The following IL18R1 variants were observed in gnomAD, a reference collection of about 807,000 sequenced individuals.
The protein encoded by IL18R1 is interleukin 18 receptor 1.
Under a neutral mutation model 48.5 loss-of-function variants are expected in IL18R1, and 40 were observed. The ratio of observed to expected loss-of-function variants is 0.82; its 90% CI spans 0.64 to 1.07. The LOEUF (loss-of-function observed/expected upper bound fraction) is 1.07, where lower values mean the gene tolerates loss of function less well. IL18R1 is among the 50% of genes least tolerant of loss of function. The pLI, the probability that IL18R1 is intolerant of heterozygous loss-of-function variation, is 0.00. For missense variants in IL18R1, 596 were observed against 633.7 expected (o/e 0.94, Z 0.64); for synonymous variants, 232 against 225.9 (o/e 1.03, Z -0.24).
chr2:102,387,123 A>C (rs867283170), intron 8 of IL18R1, 123 bp downstream of exon 8: 3 of 996,884 alleles, frequency 3.0e-6, no homozygotes, highest in Middle Eastern at 4.4e-4. Context: ...GAAATCAGTC[A>C]CCTCATGTCA....
chr2:102,359,277 T>TA (rs150927002), intron 1 of IL18R1, among the ~76,000 whole-genome samples: 10 of 152,018 alleles, frequency 6.6e-5, no homozygotes, highest in Non-Finnish European at 1.5e-4. Context: ...AAGTTAAATA[T>TA]AAAAACAAAA....
At chr2:102,382,063 AG>A (rs1461871329) in intron 6 of IL18R1, among the ~76,000 whole-genome samples, 1 of 152,122 alleles carries the variant, frequency 6.6e-6, no homozygotes, top group Non-Finnish European at 1.5e-5. Context: ...ACTTGAGGTC[AG>A]GAGTTTGAGA....
chr2:102,379,157 C>T (rs565059247), intron 5 of IL18R1, among the ~76,000 whole-genome samples: 42 of 152,086 alleles, frequency 2.8e-4, no homozygotes, highest in African/African-American at 9.9e-4. Flanking sequence ...AAATGAAGAC[C>T]CTGGGGCCGG....
intron 5 of IL18R1, among the ~76,000 whole-genome samples, chr2:102,381,173 A>G (rs577316749): frequency 6.6e-6 from 1 of 152,322 alleles, no homozygotes; most frequent in South Asian, 2.1e-4. Context: ...TGCTCTCAGC[A>G]TCCTGCAAGG....
rs1326902196 is a variant in IL18R1, at chr2:102,368,016, G to A, written c.250G>A (p.Glu84Lys). 6.2e-6 allele frequency: 10 copies of A among 1,614,064 alleles called. No homozygotes were observed. Among genetic ancestry groups the A allele is most frequent in the African/African-American group, 1.3e-5 (1 of 74,930 alleles). Reference protein sequence around the residue: ...SRIALHDCVLEFWPVELNDTG... With the variant: ...SRIALHDCVLKFWPVELNDTG... ...AATTGCTTTGCATGATTGTGTTTTG[G>A]AGTTTTGGCCAGTTGAGTTGAATGA... The change falls in exon 3 of 11, where the codon GAG becomes AAG. Residue 84 changes from glutamate (E) to lysine (K), a missense_variant. Coordinates refer to ENST00000233957, the MANE Select transcript of IL18R1 (RefSeq NM_003855.5).
chr2:102,358,481 C>T (rs774907512), intron 1 of IL18R1, among the ~76,000 whole-genome samples: 5 of 152,034 alleles, frequency 3.3e-5, no homozygotes, highest in Non-Finnish European at 7.4e-5. Flanking sequence ...TGTGACTATT[C>T]GTTATGTGTG....
At chr2:102,380,474 A>T (rs1319458100) in intron 5 of IL18R1, among the ~76,000 whole-genome samples, 1 of 152,058 alleles carries the variant, frequency 6.6e-6, no homozygotes, top group African/African-American at 2.4e-5. Flanking sequence ...TTACTGTCAG[A>T]CCTGAGAGTT....
intron 2 of IL18R1, among the ~76,000 whole-genome samples, chr2:102,364,328 G>T (rs543466380): frequency 6.6e-6 from 1 of 152,126 alleles, no homozygotes; most frequent in African/African-American, 2.4e-5. Context: ...ATGGTAACAC[G>T]ATTAGATACT....
chr2:102,384,047 T>G (rs1258308199), intron 6 of IL18R1, among the ~76,000 whole-genome samples: 1 of 152,240 alleles, frequency 6.6e-6, no homozygotes, highest in Non-Finnish European at 1.5e-5. Flanking sequence ...TTAAAGTGAA[T>G]ACAGTTTGTG....
intron 5 of IL18R1, among the ~76,000 whole-genome samples, chr2:102,376,990 CCTT>C (rs1446531665): frequency 2.0e-5 from 3 of 152,204 alleles, no homozygotes; most frequent in African/African-American, 4.8e-5. Flanking sequence ...AAATCTGGCT[CCTT>C]CTTAAAATGA....
intron 9 of IL18R1, among the ~76,000 whole-genome samples, chr2:102,392,254 C>A (rs12712146): frequency 2.0e-5 from 3 of 151,796 alleles, no homozygotes; most frequent in Non-Finnish European, 4.4e-5. Flanking sequence ...TGTGCATGTG[C>A]GAGTTTGCTA....
intron 8 of IL18R1, among the ~76,000 whole-genome samples, chr2:102,388,710 G>A (rs767190191): frequency 2.8e-4 from 42 of 152,160 alleles, no homozygotes; most frequent in Admixed American, 8.5e-4. Context: ...CAATGTGTGC[G>A]TGCGTGTTTT....
chr2:102,392,390 C>T (rs1680603418), intron 9 of IL18R1, among the ~76,000 whole-genome samples: 1 of 152,156 alleles, frequency 6.6e-6, no homozygotes, highest in South Asian at 2.1e-4. Context: ...TTCTGACTTT[C>T]TGGAGCTAAG....
At chr2:102,391,223 A>G (rs1680551789) in intron 9 of IL18R1, among the ~76,000 whole-genome samples, 1 of 143,848 alleles carries the variant, frequency 7.0e-6, no homozygotes, top group African/African-American at 2.5e-5. Flanking sequence ...ATGAAATTAT[A>G]CTTCAGTAGC....
At chr2:102,387,259 A>G (rs1680287545) in intron 8 of IL18R1, among the ~76,000 whole-genome samples, 1 of 152,176 alleles carries the variant, frequency 6.6e-6, no homozygotes, top group African/African-American at 2.4e-5. Context: ...GCTTGGAGAT[A>G]CAGATGCTGA....
intron 1 of IL18R1, 102 bp from the exon 2 acceptor site, chr2:102,362,530 GT>G: frequency 1.5e-6 from 1 of 646,306 alleles, no homozygotes. Context: ...CTTCTAGGTT[GT>G]TTTTTTAAAA....
At chr2:102,391,992 AGGCTGTAATTTGTCTTTTGACTTT>A (rs1680586702) in intron 9 of IL18R1, among the ~76,000 whole-genome samples, 1 of 152,206 alleles carries the variant, frequency 6.6e-6, no homozygotes. Context: ...AAATATTCCC[AGGCTGTAATTTGTCTTTTGACTTT>A]GCTTGTAGTG....
intron 3 of IL18R1, among the ~76,000 whole-genome samples, chr2:102,368,544 G>C (rs990364526): frequency 6.6e-5 from 10 of 152,184 alleles, no homozygotes; most frequent in African/African-American, 2.4e-4. Flanking sequence ...CCAGGTGGCA[G>C]TGCTAGTGGA....
intron 3 of IL18R1, 142 bp from the exon 4 acceptor site, chr2:102,371,811 G>A (rs1341930291): frequency 1.7e-6 from 1 of 581,438 alleles, no homozygotes; most frequent in Non-Finnish European, 3.0e-6. Context: ...AGCGGAGGCA[G>A]AGCAGGGTTT....
Sources: allele counts gnomAD v4.1 joint callset (sites outside exome capture counted in the v4.1 genomes callset), GRCh38; gene constraint gnomAD v4.1.1; transcripts MANE v1.5; gene names NCBI Gene and HGNC (gene_info 2026-07-23, HGNC 2026-07-21).